The following CNTLN variants were observed in gnomAD, a reference collection of about 807,000 sequenced individuals.
CNTLN encodes the protein centlein.
A neutral mutation model predicts 180.0 loss-of-function variants in CNTLN; 212 were observed. The ratio of observed to expected loss-of-function variants is 1.18; its 90% CI spans 1.05 to 1.32. The LOEUF is 1.32. Among genes scored for constraint, CNTLN ranks in the 40% most tolerant of loss-of-function variants. CNTLN has a pLI of 0.00. For synonymous variants in CNTLN, 722 were observed against 563.1 expected (o/e 1.28, Z -3.99); for missense variants, 2,095 against 1,610.9 (o/e 1.30, Z -5.14).
intron 6 of CNTLN, among the ~76,000 whole-genome samples, chr9:17,285,286 A>T (rs1278092982): frequency 6.6e-6 from 1 of 150,552 alleles, no homozygotes; most frequent in Non-Finnish European, 1.5e-5. Context: ...TAGTTTACTG[A>T]GAATGATGAT....
At chr9:17,504,575 C>G (rs1833897624), downstream of CNTLN, among the ~76,000 whole-genome samples, 1 of 152,066 alleles carries the variant, frequency 6.6e-6, no homozygotes. Flanking sequence ...AGTCAAGGAT[C>G]TTGAATGGGA....
chr9:17,255,904 A>G (rs7020918), intron 5 of CNTLN, among the ~76,000 whole-genome samples: 1 of 151,640 alleles, frequency 6.6e-6, no homozygotes. Context: ...AGGATTGTAT[A>G]TACTTCCTTT....
intron 6 of CNTLN, among the ~76,000 whole-genome samples, chr9:17,296,453 A>C (rs866916986): frequency 6.6e-6 from 1 of 152,148 alleles, no homozygotes; most frequent in Non-Finnish European, 1.5e-5. Context: ...TAAATTTGCT[A>C]TGTTTTAACA....
At chr9:17,476,971 G>T (rs535649737) in intron 23 of CNTLN, among the ~76,000 whole-genome samples, 2 of 152,162 alleles carry the variant, frequency 1.3e-5, no homozygotes, top group East Asian at 1.9e-4. Context: ...TTCAAAGAAC[G>T]GGCTGAGTCT....
chr9:17,345,674 A>G (rs969088827), intron 12 of CNTLN, among the ~76,000 whole-genome samples: 14 of 152,006 alleles, frequency 9.2e-5, no homozygotes, highest in African/African-American at 3.4e-4. Context: ...CTTCTCCATT[A>G]TAATACAGTT....
At chr9:17,355,155 C>T (rs1383124695) in intron 12 of CNTLN, among the ~76,000 whole-genome samples, 2 of 152,160 alleles carry the variant, frequency 1.3e-5, no homozygotes, top group East Asian at 3.9e-4. Flanking sequence ...TTAGTGAGAC[C>T]AAGAACCCAC....
In CNTLN at chr9:17,336,067, G is replaced by A. The variant is rs199505239; in HGVS notation, c.1644+3337G>A. On this transcript the variant is annotated intron_variant, in intron 10 of 25. Transcript: ENST00000380647. ...GCACCTGCCTGTGGAATATTTTTGT[G>A]TGTATCCTGTAGGAAAATATATTAA... is the stretch of plus-strand genomic sequence containing the variant. Among the ~76,000 whole-genome samples the A allele has an allele frequency of 4.6e-5, 7 of 152,022 alleles. No homozygotes were observed. The East Asian group carries it at 5.8e-4, about 13-fold the overall frequency.
intron 2 of CNTLN, among the ~76,000 whole-genome samples, chr9:17,174,689 C>G (rs923728902): frequency 1.4e-5 from 2 of 146,764 alleles, no homozygotes; most frequent in African/African-American, 5.2e-5. Flanking sequence ...GCACGAGACT[C>G]CGTCTCAGGA....
chr9:17,301,262 A>C (rs997152831), intron 7 of CNTLN: 2 of 985,318 alleles, frequency 2.0e-6, no homozygotes, highest in African/African-American at 3.5e-5. Flanking sequence ...ACTTGCCGTA[A>C]CCTAAATTGT....
intron 2 of CNTLN, among the ~76,000 whole-genome samples, chr9:17,211,342 G>A (rs1309264967): frequency 6.6e-6 from 1 of 152,096 alleles, no homozygotes; most frequent in East Asian, 1.9e-4. Flanking sequence ...TTTTTGTCAG[G>A]TTTGTCAAAG....
chr9:17,175,682 T>G (rs528850027), intron 2 of CNTLN, among the ~76,000 whole-genome samples: 11 of 152,198 alleles, frequency 7.2e-5, no homozygotes, highest in Admixed American at 5.2e-4. Flanking sequence ...TTAAAAATCT[T>G]GTTCAGGTTT....
At chr9:17,149,807 G>A (rs1818729509) in intron 2 of CNTLN, among the ~76,000 whole-genome samples, 1 of 152,136 alleles carries the variant, frequency 6.6e-6, no homozygotes, top group Non-Finnish European at 1.5e-5. Context: ...ATGAGCCACT[G>A]CACCTGGCCT....
chr9:17,140,854 C>A (rs951598179), intron 1 of CNTLN, among the ~76,000 whole-genome samples: 6 of 151,918 alleles, frequency 3.9e-5, no homozygotes, highest in African/African-American at 1.5e-4. Context: ...TATTAAAAAA[C>A]AAAAATTCCA....
chr9:17,330,254 G>T (rs946992365), intron 8 of CNTLN, among the ~76,000 whole-genome samples: 8 of 151,976 alleles, frequency 5.3e-5, no homozygotes, highest in African/African-American at 1.9e-4. Context: ...CTATGGTATT[G>T]TATGACTCTT....
At chr9:17,230,552 T>C (rs1824749021) in intron 3 of CNTLN, among the ~76,000 whole-genome samples, 1 of 150,924 alleles carries the variant, frequency 6.6e-6, no homozygotes. Flanking sequence ...GGCTAGAAGG[T>C]GCTAGAGTTG....
chr9:17,324,591 G>A (rs919973675), intron 8 of CNTLN, among the ~76,000 whole-genome samples: 37 of 152,104 alleles, frequency 2.4e-4, no homozygotes, highest in African/African-American at 8.7e-4. Flanking sequence ...TACTTAGCTT[G>A]TGGTTGCTCA....
At chr9:17,377,124 A>G (rs1824838970) in intron 13 of CNTLN, among the ~76,000 whole-genome samples, 1 of 152,234 alleles carries the variant, frequency 6.6e-6, no homozygotes, top group Non-Finnish European at 1.5e-5. Context: ...TATTACAAGA[A>G]TAATTTCCTC....
intron 2 of CNTLN, among the ~76,000 whole-genome samples, chr9:17,224,427 C>A (rs988434372): frequency 1.3e-5 from 2 of 151,992 alleles, no homozygotes; most frequent in African/African-American, 4.8e-5. Context: ...ATATTCCCAG[C>A]AGTTACCTCC....
chr9:17,322,586 C>T (rs1819992276), intron 8 of CNTLN, among the ~76,000 whole-genome samples: 1 of 152,012 alleles, frequency 6.6e-6, no homozygotes, highest in African/African-American at 2.4e-5. Flanking sequence ...TCTCTTGCCG[C>T]TGTAATAAAA....
Sources: gnomAD v4.1 joint callset for allele counts (sites outside exome capture counted in the v4.1 genomes callset) on GRCh38, gnomAD v4.1.1 for gene constraint, MANE v1.5 for transcripts, NCBI Gene and HGNC (gene_info 2026-07-23, HGNC 2026-07-21) for gene names.